ATP2C1: variants seen among roughly 807,000 people sequenced by gnomAD.
The protein encoded by ATP2C1 is calcium-transporting ATPase type 2C member 1.
A neutral mutation model predicts 120.5 loss-of-function variants in ATP2C1; 31 were observed. The observed-to-expected ratio is 0.26, with a 90% CI of 0.19 to 0.35. The LOEUF (loss-of-function observed/expected upper bound fraction) is 0.35. Among genes scored for constraint, ATP2C1 ranks in the 10% least tolerant of loss-of-function variants. The pLI is 1.00. For synonymous variants in ATP2C1, 351 were observed against 358.7 expected (o/e 0.98, Z 0.24); for missense variants, 731 against 1,107.5 (o/e 0.66, Z 4.83).
chr3:130,919,172 G>A (rs1171154827), intron 2 of ATP2C1: 4 of 235,418 alleles, frequency 1.7e-5, no homozygotes, highest in Non-Finnish European at 2.5e-5. Context: ...AGGCTGGGCT[G>A]GAGGGAGTGT....
chr3:130,908,966 G>C (rs960690240), intron 2 of ATP2C1, among the ~76,000 whole-genome samples: 11 of 152,082 alleles, frequency 7.2e-5, no homozygotes, highest in African/African-American at 2.7e-4. Context: ...TAAGAGTTGT[G>C]ATTGTGCTAG....
chr3:130,889,336 G>C (rs546579953), upstream of ATP2C1, among the ~76,000 whole-genome samples: 4 of 152,302 alleles, frequency 2.6e-5, no homozygotes, highest in Admixed American at 2.0e-4. Context: ...TGAACAAAAT[G>C]ACCTTATTCG....
intron 3 of ATP2C1, 44 bp from the exon 4 acceptor site, chr3:130,931,978 C>A: frequency 7.9e-7 from 1 of 1,268,046 alleles, no homozygotes; most frequent in Non-Finnish European, 1.2e-6. Flanking sequence ...TTTTTCTTTT[C>A]TGTGCTAACA....
At chr3:130,937,308 G>C (rs955694120) in intron 5 of ATP2C1, 120 bp from the exon 6 acceptor site, 1 of 842,422 alleles carries the variant, frequency 1.2e-6, no homozygotes, top group African/African-American at 1.7e-5. Flanking sequence ...TTCTTTTCCA[G>C]CTGATCTCAG....
At chr3:130,923,274 T>A (rs2059047986) in intron 2 of ATP2C1, among the ~76,000 whole-genome samples, 1 of 152,046 alleles carries the variant, frequency 6.6e-6, no homozygotes, top group African/African-American at 2.4e-5. Flanking sequence ...TTACCCAGGC[T>A]GGAGTGTAGT....
intron 2 of ATP2C1, among the ~76,000 whole-genome samples, chr3:130,895,847 G>A (rs144271069): frequency 1.4e-4 from 21 of 152,228 alleles, no homozygotes; most frequent in African/African-American, 5.1e-4. Flanking sequence ...TATGATGAGA[G>A]GCATGATTAT....
At chr3:130,904,945 G>T (rs1371979559) in intron 2 of ATP2C1, among the ~76,000 whole-genome samples, 2 of 151,908 alleles carry the variant, frequency 1.3e-5, no homozygotes, top group East Asian at 3.9e-4. Flanking sequence ...AGTCATTCTC[G>T]CTTTGGTTAT....
downstream of ATP2C1, among the ~76,000 whole-genome samples, chr3:131,006,475 T>G (rs958517421): frequency 6.6e-6 from 1 of 152,186 alleles, no homozygotes; most frequent in African/African-American, 2.4e-5. Flanking sequence ...TCCTACACAA[T>G]GCTCCAATAC....
chr3:130,919,226 C>CTTTTTT (rs199758815), intron 2 of ATP2C1: 1 of 160,278 alleles, frequency 6.2e-6, no homozygotes, highest in African/African-American at 2.5e-5. Flanking sequence ...TTCTTTCTTT[C>CTTTTTT]TTTCTTTTTT....
chr3:130,859,392 C>T (rs891715194), intron 1 of ATP2C1, among the ~76,000 whole-genome samples: 4 of 152,194 alleles, frequency 2.6e-5, no homozygotes, highest in South Asian at 2.1e-4. Context: ...TAAGCCTAAT[C>T]GACCACTTAA....
At chr3:130,953,621 A>G (rs774877921) in intron 8 of ATP2C1, among the ~76,000 whole-genome samples, 200 bp from the exon 9 acceptor site, 2 of 152,134 alleles carry the variant, frequency 1.3e-5, no homozygotes, top group Non-Finnish European at 2.9e-5. Flanking sequence ...TCTACTTTGC[A>G]TGTCTTAGAT....
chr3:130,968,587 G>C (rs2108669697), intron 16 of ATP2C1, among the ~76,000 whole-genome samples: 1 of 152,226 alleles, frequency 6.6e-6, no homozygotes, highest in East Asian at 1.9e-4. Context: ...TGGCCAAACT[G>C]GATGAAATGA....
At chr3:131,001,104 G>A (rs1301329145) in intron 27 of ATP2C1, 116 bp from the exon 28 acceptor site, 878 of 340,802 alleles carry the variant, frequency 2.6e-3, no homozygotes, top group African/African-American at 6.1e-3. Flanking sequence ...CTTCATCTCA[G>A]AAAAAAAAAA....
chr3:130,876,049 T>C (rs1343513493), intron 1 of ATP2C1, among the ~76,000 whole-genome samples: 1 of 152,124 alleles, frequency 6.6e-6, no homozygotes, highest in Non-Finnish European at 1.5e-5. Flanking sequence ...GTAAATAGTT[T>C]GCAAATATTT....
intron 10 of ATP2C1, 39 bp from the exon 11 acceptor site, chr3:130,956,065 A>C (rs763583868): frequency 2.2e-6 from 3 of 1,361,962 alleles, no homozygotes; most frequent in East Asian, 2.3e-5. Flanking sequence ...CTTAGTAAAT[A>C]TAGCTAATTG....
chr3:130,932,210 CT>C (rs2059479606), intron 4 of ATP2C1, 72 bp downstream of exon 4: 1 of 956,022 alleles, frequency 1.0e-6, no homozygotes, highest in Non-Finnish European at 1.7e-6. Flanking sequence ...TAGTTGCTTA[CT>C]TTTGTGATAC....
chr3:130,954,878 G>A (rs2060511935), intron 9 of ATP2C1, 134 bp from the exon 10 acceptor site: 2 of 693,608 alleles, frequency 2.9e-6, no homozygotes, highest in Non-Finnish European at 5.2e-6. Flanking sequence ...AATTTGCTGA[G>A]GAAATCTTAG....
At chr3:130,980,986 A>G (rs929866863) in intron 20 of ATP2C1, among the ~76,000 whole-genome samples, 2 of 152,230 alleles carry the variant, frequency 1.3e-5, no homozygotes, top group Non-Finnish European at 2.9e-5. Flanking sequence ...GAGAGAGATC[A>G]TTGATTTATA....
intron 1 of ATP2C1, among the ~76,000 whole-genome samples, chr3:130,885,325 C>A (rs1030002456): frequency 6.6e-6 from 1 of 152,066 alleles, no homozygotes; most frequent in Non-Finnish European, 1.5e-5. Flanking sequence ...ACAGTTTAGT[C>A]CATTTGCACT....
Sources: gnomAD v4.1 joint callset for allele counts (sites outside exome capture counted in the v4.1 genomes callset) on GRCh38, gnomAD v4.1.1 for gene constraint, MANE v1.5 for transcripts, NCBI Gene and HGNC (gene_info 2026-07-23, HGNC 2026-07-21) for gene names.